ATRN: variants seen among roughly 807,000 people sequenced by gnomAD.
ATRN encodes attractin-2.
In ATRN, 54 loss-of-function variants were observed where a neutral mutation model predicts 178.7. The ratio of observed to expected loss-of-function variants is 0.30; its 90% CI spans 0.24 to 0.38. The LOEUF (loss-of-function observed/expected upper bound fraction) is 0.38. Ranked by LOEUF, ATRN falls within the 10% of genes least tolerant of loss-of-function variation. ATRN has a pLI of 1.00. For synonymous variants in ATRN, 636 were observed against 663.0 expected, an observed-to-expected ratio of 0.96 and a Z score of 0.63; for missense variants, 1,443 against 1,815.1, an observed-to-expected ratio of 0.79 and a Z score of 3.73.
intron 1 of ATRN, among the ~76,000 whole-genome samples, chr20:3,483,548 A>G (rs1477872685): frequency 6.6e-6 from 1 of 152,126 alleles, no homozygotes; most frequent in African/African-American, 2.4e-5. Context: ...AGGCTTCACT[A>G]TGTTGCCCGG....
intron 13 of ATRN, 46 bp downstream of exon 13, chr20:3,575,994 A>T (rs3914318): frequency 2.4e-5 from 39 of 1,601,994 alleles, no homozygotes; most frequent in Non-Finnish European, 2.8e-5. Flanking sequence ...CCAATTTGTC[A>T]TAGGTTTAGC....
chr20:3,522,849 CAG>C (rs2085314455), intron 1 of ATRN, among the ~76,000 whole-genome samples: 1 of 152,076 alleles, frequency 6.6e-6, no homozygotes, highest in Non-Finnish European at 1.5e-5. Context: ...AACTAACAAA[CAG>C]AAAGGAATAG....
At position 3,650,129 on chromosome 20, in the gene ATRN, C is replaced by A. The variant is rs2087135882; in HGVS notation, c.*3282C>A. ...GTCCTGCCATTCAAGACTGGAGACA[C>A]CTGGGAAATAAAAAGAGCAGGGCAC... is the stretch of plus-strand genomic sequence containing the variant. On this transcript the variant is annotated 3_prime_UTR_variant, in exon 29 of 29. Transcript: ENST00000262919. 6.6e-6 allele frequency: 1 copy of A among 152,252 alleles called. No individual in the cohort carries two copies. Among genetic ancestry groups the A allele is most frequent in the Non-Finnish European group, 1.5e-5 (1 of 68,048 alleles). The allele number at this position is 152,252 out of a possible 1,614,324, so 9.4% of individuals were successfully genotyped here.
chr20:3,509,689 A>C (rs1435522454), intron 1 of ATRN, among the ~76,000 whole-genome samples: 1 of 152,000 alleles, frequency 6.6e-6, no homozygotes, highest in Non-Finnish European at 1.5e-5. Context: ...TTTTTAGTAG[A>C]GGTGGGGTTT....
At chr20:3,572,394 T>G (rs1324054682) in intron 11 of ATRN, among the ~76,000 whole-genome samples, 1 of 152,130 alleles carries the variant, frequency 6.6e-6, no homozygotes, top group African/African-American at 2.4e-5. Flanking sequence ...ATTCTGGGTG[T>G]GTTATAGGCC....
chr20:3,543,716 C>T (rs1357838602), intron 3 of ATRN, among the ~76,000 whole-genome samples: 1 of 144,548 alleles, frequency 6.9e-6, no homozygotes, highest in African/African-American at 2.6e-5. Flanking sequence ...CAGAACAAGA[C>T]TCGGTCTCAA....
At chr20:3,522,879 AG>A (rs1054471264) in intron 1 of ATRN, among the ~76,000 whole-genome samples, 2 of 152,190 alleles carry the variant, frequency 1.3e-5, no homozygotes, top group African/African-American at 4.8e-5. Context: ...ATCAACAAAA[AG>A]GACGTCCATA....
intron 6 of ATRN, among the ~76,000 whole-genome samples, chr20:3,552,538 G>A (rs2085804820): frequency 6.6e-6 from 1 of 152,168 alleles, no homozygotes; most frequent in Non-Finnish European, 1.5e-5. Context: ...ATATTTATGA[G>A]TTATCTCATG....
intron 8 of ATRN, among the ~76,000 whole-genome samples, chr20:3,561,828 A>C (rs1446363321): frequency 6.6e-6 from 1 of 152,286 alleles, no homozygotes; most frequent in South Asian, 2.1e-4. Flanking sequence ...CCTGTCCTCA[A>C]GTGATCCTCC....
chr20:3,615,000 A>G (rs1397179446), intron 24 of ATRN, among the ~76,000 whole-genome samples: 1 of 152,052 alleles, frequency 6.6e-6, no homozygotes, highest in African/African-American at 2.4e-5. Flanking sequence ...CGTTTTGTTT[A>G]TCCATTTTTC....
Position 3,492,867 on chromosome 20 carries a change from GTGCGCA to G in ATRN, c.410+21351_410+21356del, listed in dbSNP as rs371100643. Among the ~76,000 whole-genome samples the G allele has an allele frequency of 3.6e-3, 400 of 111,734 alleles. 3 individuals carry two copies. Among genetic ancestry groups the G allele is most frequent in the African/African-American group, 0.014 (357 of 25,244 alleles). The allele number at this position is 111,734 out of a possible 152,430, so 73.3% of individuals were successfully genotyped here. ...GAGAGAGAGAGAGGCGCGCGCGCGCGTGCGCACGCACACACACACACACACACACAT... is the reference window on the plus strand; with the variant it reads ...GAGAGAGAGAGAGGCGCGCGCGCGCGCGCACACACACACACACACACACAT... On this transcript the variant is annotated intron_variant, in intron 1 of 28. Coordinates refer to ENST00000262919, the MANE Select transcript of ATRN (RefSeq NM_139321.3).
chr20:3,509,679 T>G (rs1170594350), intron 1 of ATRN, among the ~76,000 whole-genome samples: 5 of 152,008 alleles, frequency 3.3e-5, no homozygotes, highest in Admixed American at 3.3e-4. Flanking sequence ...AATTTTTGTA[T>G]TTTTAGTAGA....
At chr20:3,570,885 G>T (rs1283525922) in intron 11 of ATRN, among the ~76,000 whole-genome samples, 1 of 152,164 alleles carries the variant, frequency 6.6e-6, no homozygotes, top group Non-Finnish European at 1.5e-5. Context: ...TTGTTTCTAG[G>T]TTTTTTAAGA....
At chr20:3,535,425 G>T in intron 2 of ATRN, 89 bp downstream of exon 2, 1 of 561,700 alleles carries the variant, frequency 1.8e-6, no homozygotes, top group Non-Finnish European at 2.9e-6. Context: ...TTAACAATCT[G>T]TAGCATAAAG....
At chr20:3,496,013 A>G (rs1249608934) in intron 1 of ATRN, among the ~76,000 whole-genome samples, 1 of 152,158 alleles carries the variant, frequency 6.6e-6, no homozygotes, top group Non-Finnish European at 1.5e-5. Flanking sequence ...GAACCATGCC[A>G]ATGCTTTACC....
In ATRN at chr20:3,568,459, G is replaced by A. The variant is rs568515773; in HGVS notation, c.1871+3027G>A. 5.9e-5 allele frequency among the ~76,000 whole-genome samples: 9 copies of A among 152,242 alleles called. No individual in the cohort carries two copies. In the South Asian group the frequency reaches 1.7e-3, roughly 28 times the overall value. On this transcript the variant is annotated intron_variant, in intron 11 of 28. Transcript: ENST00000262919. ...GCCCAGGAGTTTGAGGCTGCAGTGA[G>A]CTATGATGACGCCACTGCACTCCAG...
At chr20:3,507,855 G>A (rs532303252) in intron 1 of ATRN, among the ~76,000 whole-genome samples, 1 of 151,720 alleles carries the variant, frequency 6.6e-6, no homozygotes, top group African/African-American at 2.4e-5. Flanking sequence ...GCTAATTTTT[G>A]TATTTTTAGT....
intron 3 of ATRN, among the ~76,000 whole-genome samples, chr20:3,542,034 C>G (rs2085629257): frequency 6.6e-6 from 1 of 152,176 alleles, no homozygotes; most frequent in Admixed American, 6.5e-5. Context: ...TATCTTTGAA[C>G]TGAGAACCAA....
At chr20:3,488,458 A>G (rs1201874015) in intron 1 of ATRN, among the ~76,000 whole-genome samples, 2 of 152,194 alleles carry the variant, frequency 1.3e-5, no homozygotes, top group African/African-American at 2.4e-5. Flanking sequence ...CTTTATGCAT[A>G]TCCAATCCCA....
Sources: allele counts gnomAD v4.1 joint callset (sites outside exome capture counted in the v4.1 genomes callset), GRCh38; gene constraint gnomAD v4.1.1; transcripts MANE v1.5; gene names NCBI Gene and HGNC (gene_info 2026-07-23, HGNC 2026-07-21).